SRRM4: variants seen among roughly 807,000 people sequenced by gnomAD.
SRRM4 encodes serine/arginine repetitive matrix protein 4.
In SRRM4, 33 loss-of-function variants were observed where a neutral mutation model predicts 68.9. The observed-to-expected ratio is 0.48, with a 90% CI of 0.36 to 0.64. SRRM4 has a LOEUF of 0.64. SRRM4 is among the 30% of genes least tolerant of loss of function. The pLI, the probability that SRRM4 is intolerant of heterozygous loss-of-function variation, is 0.00. For missense variants in SRRM4, 817 were observed against 827.1 expected, an observed-to-expected ratio of 0.99 and a Z score of 0.15; for synonymous variants, 318 against 318.8, an observed-to-expected ratio of 1.00 and a Z score of 0.03.
chr12:119,102,115 C>T, intron 1 of SRRM4, 121 bp from the exon 2 acceptor site: 1 of 991,846 alleles, frequency 1.0e-6, no homozygotes, highest in East Asian at 2.6e-5. Context: ...AAGATAATCT[C>T]ATGGGCTCAA....
intron 1 of SRRM4, among the ~76,000 whole-genome samples, chr12:119,091,417 A>G (rs1236216797): frequency 2.0e-5 from 3 of 152,054 alleles, no homozygotes; most frequent in African/African-American, 7.2e-5. Flanking sequence ...TCAACCTCCC[A>G]TCCCTCTCCT....
At chr12:119,104,547 G>A (rs905871270) in intron 2 of SRRM4, among the ~76,000 whole-genome samples, 63 of 151,910 alleles carry the variant, frequency 4.1e-4, no homozygotes, top group Admixed American at 7.2e-4. Flanking sequence ...CTCTATGCCA[G>A]ACCAGGGCAC....
chr12:119,031,066 T>C (rs551501664), intron 1 of SRRM4: 2 of 152,348 alleles, frequency 1.3e-5, no homozygotes, highest in South Asian at 4.1e-4. Context: ...ACACATTTTA[T>C]TTTATAGTTT....
chr12:119,062,032 A>G (rs1381763289), intron 1 of SRRM4, among the ~76,000 whole-genome samples: 4 of 152,220 alleles, frequency 2.6e-5, no homozygotes, highest in African/African-American at 7.2e-5. Context: ...ACACCAATCT[A>G]GATGGGATAG....
intron 1 of SRRM4, among the ~76,000 whole-genome samples, chr12:119,080,930 A>C (rs530929043): frequency 6.6e-6 from 1 of 152,248 alleles, no homozygotes; most frequent in South Asian, 2.1e-4. Flanking sequence ...CATTCTGAGC[A>C]CACAAGCCCC....
intron 1 of SRRM4, among the ~76,000 whole-genome samples, chr12:119,035,211 AT>A (rs774194098): frequency 7.2e-5 from 11 of 152,218 alleles, no homozygotes; most frequent in Admixed American, 1.3e-4. Context: ...GTGGGTCACA[AT>A]TTTTTCCCCC....
chr12:119,107,444 G>A (rs561063585), intron 2 of SRRM4, among the ~76,000 whole-genome samples: 2 of 152,224 alleles, frequency 1.3e-5, no homozygotes, highest in South Asian at 4.1e-4. Context: ...GAATCCATCT[G>A]GTCCTGGACT....
intron 1 of SRRM4, among the ~76,000 whole-genome samples, chr12:119,065,748 T>C (rs1392637122): frequency 1.3e-5 from 2 of 151,924 alleles, no homozygotes; most frequent in Non-Finnish European, 2.9e-5. Context: ...CAAGACTCCA[T>C]CTCAAAATAA....
At chr12:119,102,073 T>A (rs933813311) in intron 1 of SRRM4, among the ~76,000 whole-genome samples, 163 bp from the exon 2 acceptor site, 1 of 152,204 alleles carries the variant, frequency 6.6e-6, no homozygotes, top group African/African-American at 2.4e-5. Flanking sequence ...GGAAATTACA[T>A]GTGTTCCCTC....
chr12:119,086,917 T>C (rs891254450), intron 1 of SRRM4, among the ~76,000 whole-genome samples: 1 of 152,174 alleles, frequency 6.6e-6, no homozygotes, highest in Non-Finnish European at 1.5e-5. Context: ...TAAACACCAA[T>C]CTCACAGCTG....
chr12:119,154,924 C>T lies in SRRM4; in HGVS notation c.1532+541C>T, dbSNP rs1020540809. ...TCCCAAAGGGACCTAGAGGGAGCCA[C>T]GGTGGATAAGCCGGAGAGCACTGGA... is the stretch of plus-strand genomic sequence containing the variant. On this transcript the variant is annotated intron_variant, in intron 12 of 12. Transcript: ENST00000267260. This position sits in a 1 kb window ranked among gnomAD's most constrained non-coding sequence, Gnocchi z 4.7. 6.6e-6 allele frequency among the ~76,000 whole-genome samples: 1 copy of T among 152,160 alleles called. No homozygotes were observed. The highest frequency in any genetic ancestry group is 1.5e-5 in the Non-Finnish European group (1 of 68,030).
chr12:119,064,026 C>A (rs1419816642), intron 1 of SRRM4, among the ~76,000 whole-genome samples: 1 of 152,232 alleles, frequency 6.6e-6, no homozygotes. Flanking sequence ...AAAAAATACC[C>A]CCACATCTGG....
At chr12:119,088,871 G>A (rs1592893798) in intron 1 of SRRM4, among the ~76,000 whole-genome samples, 1 of 152,190 alleles carries the variant, frequency 6.6e-6, no homozygotes, top group African/African-American at 2.4e-5. Flanking sequence ...CAATTACAGT[G>A]ACAGCTAACA....
chr12:118,998,124 A>T (rs1440547915), intron 1 of SRRM4, among the ~76,000 whole-genome samples: 1 of 152,110 alleles, frequency 6.6e-6, no homozygotes, highest in Non-Finnish European at 1.5e-5. Context: ...ATTTGCATAC[A>T]TCTGGGTCTA....
At chr12:119,017,004 C>T (rs1953485962) in intron 1 of SRRM4, among the ~76,000 whole-genome samples, 1 of 152,188 alleles carries the variant, frequency 6.6e-6, no homozygotes, top group Admixed American at 6.5e-5. Flanking sequence ...TTTGTAAATA[C>T]TATGGGGTCT....
In SRRM4 at chr12:119,052,621, C is replaced by T. The variant is rs369333416; in HGVS notation, c.132-49615C>T. On this transcript the variant is annotated intron_variant, in intron 1 of 12. Coordinates refer to ENST00000267260, the MANE Select transcript of SRRM4 (RefSeq NM_194286.4). ...TCGGCTCACCGCAAGCTCCGCCTCC[C>T]GGGTTCACACCATTCTCCTGCCTCA... Among the ~76,000 whole-genome samples, 174 of 152,258 alleles carry T rather than the reference C, an allele frequency of 1.1e-3. 5 individuals carry two copies. In the East Asian group the frequency reaches 0.03, roughly 26 times the overall value.
At chr12:119,102,074 G>C (rs1409032737) in intron 1 of SRRM4, among the ~76,000 whole-genome samples, 162 bp from the exon 2 acceptor site, 1 of 152,192 alleles carries the variant, frequency 6.6e-6, no homozygotes, top group Non-Finnish European at 1.5e-5. Context: ...GAAATTACAT[G>C]TGTTCCCTCC....
intron 1 of SRRM4, among the ~76,000 whole-genome samples, chr12:119,046,895 C>A (rs1054937801): frequency 1.3e-5 from 2 of 152,038 alleles, no homozygotes; most frequent in East Asian, 3.9e-4. Context: ...AGCCAAGCAT[C>A]GTGGCAGACA....
rs118094865 is a variant in SRRM4 at position 119,047,878 on chromosome 12, T to G, written c.132-54358T>G. Reference sequence around the variant, plus strand: ...TAAGCCCACCCCTAGTAGGAAGAACTGCAAAGTCATATGACAAAGGGCATG... The same window carrying G: ...TAAGCCCACCCCTAGTAGGAAGAACGGCAAAGTCATATGACAAAGGGCATG... On this transcript the variant is annotated intron_variant, in intron 1 of 12. Coordinates refer to ENST00000267260, the MANE Select transcript of SRRM4 (RefSeq NM_194286.4). 8.1e-4 allele frequency among the ~76,000 whole-genome samples: 123 copies of G among 152,302 alleles called. 1 individual carries two copies. In the East Asian group the frequency reaches 0.023, roughly 28 times the overall value.
Sources: allele counts gnomAD v4.1 joint callset (sites outside exome capture counted in the v4.1 genomes callset), GRCh38; gene constraint gnomAD v4.1.1; non-coding constraint Gnocchi (gnomAD v3.1); transcripts MANE v1.5; gene names NCBI Gene and HGNC (gene_info 2026-07-23, HGNC 2026-07-21).